The following MALRD1 variants were observed in gnomAD, a reference collection of about 807,000 sequenced individuals.
MALRD1 encodes the protein MAM and LDL-receptor class A domain-containing protein 1.
A neutral mutation model predicts 242.1 loss-of-function variants in MALRD1; 247 were observed. The observed-to-expected ratio is 1.02, with a 90% CI of 0.92 to 1.13. The LOEUF (loss-of-function observed/expected upper bound fraction) is 1.13, where lower values mean the gene tolerates loss of function less well. Ranked by LOEUF, MALRD1 falls within the 50% of genes most tolerant of loss-of-function variation. The pLI is 0.00. For synonymous variants in MALRD1, 995 were observed against 866.6 expected (o/e 1.15, Z -2.60); for missense variants, 2,989 against 2,533.1 (o/e 1.18, Z -3.86).
At chr10:19,479,470 T>G (rs540995342) in intron 29 of MALRD1, among the ~76,000 whole-genome samples, 11 of 152,346 alleles carry the variant, frequency 7.2e-5, no homozygotes, top group African/African-American at 2.2e-4. Context: ...GCATGTATTC[T>G]GGCTTGGCTA....
intron 26 of MALRD1, among the ~76,000 whole-genome samples, chr10:19,367,771 A>C (rs1039585403): frequency 1.3e-5 from 2 of 151,760 alleles, no homozygotes; most frequent in African/African-American, 2.4e-5. Context: ...ACCAGTATTT[A>C]TTTTTTGTCT....
chr10:19,721,346 T>C (rs1834740628), intron 38 of MALRD1, among the ~76,000 whole-genome samples: 1 of 152,090 alleles, frequency 6.6e-6, no homozygotes, highest in Admixed American at 6.5e-5. Flanking sequence ...GAGGTAGAAG[T>C]AGGGAGAGGA....
chr10:19,720,669 C>A (rs182995711), intron 38 of MALRD1, among the ~76,000 whole-genome samples: 2 of 152,264 alleles, frequency 1.3e-5, no homozygotes, highest in East Asian at 3.9e-4. Context: ...CTCCAACTTC[C>A]TACTTCGTAT....
chr10:19,714,196 A>T (rs1009665354), intron 38 of MALRD1, among the ~76,000 whole-genome samples: 11 of 152,122 alleles, frequency 7.2e-5, no homozygotes. Context: ...ATTGGATCAC[A>T]CGTGGGCTTG....
intron 36 of MALRD1, among the ~76,000 whole-genome samples, chr10:19,644,975 T>C (rs1172356585): frequency 6.6e-6 from 1 of 152,176 alleles, no homozygotes; most frequent in African/African-American, 2.4e-5. Flanking sequence ...GTTTTGATAA[T>C]AGAATGAAGC....
At chr10:19,694,590 T>C (rs1195425015) in intron 38 of MALRD1, among the ~76,000 whole-genome samples, 3 of 152,096 alleles carry the variant, frequency 2.0e-5, no homozygotes, top group Non-Finnish European at 4.4e-5. Context: ...CTAGAGAGGA[T>C]CTGGAGAAAT....
At chr10:19,450,618 A>T (rs187858605) in intron 29 of MALRD1, 128 bp downstream of exon 29, 15 of 811,520 alleles carry the variant, frequency 1.8e-5, no homozygotes, top group Middle Eastern at 3.7e-4. Flanking sequence ...ATGGAAAGGT[A>T]TAATTTTATA....
In MALRD1 at chr10:19,691,905, A is replaced by C. The variant is rs1437874537; in HGVS notation, c.6138-377A>C. ...TCTGCTCTGTTGGTTTTCTGAAATGACTTGAATCTCTTCACTATAGAAAAA... is the reference window on the plus strand; with the variant it reads ...TCTGCTCTGTTGGTTTTCTGAAATGCCTTGAATCTCTTCACTATAGAAAAA... On this transcript the variant is annotated intron_variant, in intron 36 of 39. Coordinates refer to ENST00000454679, the MANE Select transcript of MALRD1 (RefSeq NM_001142308.3). Among the ~76,000 whole-genome samples, 3 of 152,224 alleles carry C rather than the reference A, an allele frequency of 2.0e-5. No homozygotes were observed. The East Asian group carries it at 5.8e-4, about 29-fold the overall frequency.
chr10:19,382,487 C>A (rs1027118779), intron 26 of MALRD1, among the ~76,000 whole-genome samples: 1 of 152,114 alleles, frequency 6.6e-6, no homozygotes, highest in African/African-American at 2.4e-5. Flanking sequence ...TATGTAATCA[C>A]AAACTAGAAG....
chr10:19,688,873 G>T (rs770578612), intron 36 of MALRD1, among the ~76,000 whole-genome samples: 1 of 152,186 alleles, frequency 6.6e-6, no homozygotes, highest in African/African-American at 2.4e-5. Context: ...ATTCCATGGA[G>T]AAGGTTTAGT....
intron 30 of MALRD1, among the ~76,000 whole-genome samples, chr10:19,494,387 C>G (rs1467883812): frequency 1.3e-5 from 2 of 152,154 alleles, no homozygotes; most frequent in Non-Finnish European, 2.9e-5. Flanking sequence ...CTTCTGTTCT[C>G]CAAAGGACTG....
At chr10:19,421,259 G>A (rs1431106983) in intron 28 of MALRD1, among the ~76,000 whole-genome samples, 1 of 152,160 alleles carries the variant, frequency 6.6e-6, no homozygotes, top group Non-Finnish European at 1.5e-5. Context: ...CCTAGAATTT[G>A]TTAAATGCTA....
chr10:19,443,881 A>C (rs983880923), intron 28 of MALRD1, among the ~76,000 whole-genome samples: 1 of 151,968 alleles, frequency 6.6e-6, no homozygotes, highest in Non-Finnish European at 1.5e-5. Flanking sequence ...ATCCTTGTTA[A>C]CTTTCTGTCT....
chr10:19,384,653 TATA>T (rs1356754623), intron 26 of MALRD1, among the ~76,000 whole-genome samples: 5 of 134,330 alleles, frequency 3.7e-5, no homozygotes, highest in African/African-American at 5.5e-5. Context: ...GTATATATAA[TATA>T]ATATTTACTA....
At chr10:19,577,981 C>T (rs776960413) in intron 33 of MALRD1, among the ~76,000 whole-genome samples, 1 of 152,050 alleles carries the variant, frequency 6.6e-6, no homozygotes, top group Non-Finnish European at 1.5e-5. Context: ...GTTTTGTTCT[C>T]TTGGGCTATG....
At chr10:19,667,259 C>A (rs1174312925) in intron 36 of MALRD1, among the ~76,000 whole-genome samples, 2 of 151,962 alleles carry the variant, frequency 1.3e-5, no homozygotes, top group African/African-American at 4.8e-5. Context: ...AGTTTGAGAC[C>A]AGCCTGGGCA....
At chr10:19,430,935 G>T (rs1328605607) in intron 28 of MALRD1, among the ~76,000 whole-genome samples, 1 of 152,034 alleles carries the variant, frequency 6.6e-6, no homozygotes, top group Non-Finnish European at 1.5e-5. Flanking sequence ...TATGAGTTGA[G>T]TAAGTAAGAA....
intron 36 of MALRD1, among the ~76,000 whole-genome samples, chr10:19,655,409 C>T (rs1841094833): frequency 6.6e-6 from 1 of 151,204 alleles, no homozygotes; most frequent in South Asian, 2.1e-4. Flanking sequence ...TTACTTTCTT[C>T]AATGTAATTA....
chr10:19,294,571 T>G (rs1032845251), intron 21 of MALRD1, among the ~76,000 whole-genome samples: 1 of 152,168 alleles, frequency 6.6e-6, no homozygotes, highest in Admixed American at 6.5e-5. Flanking sequence ...AGTAGATGTA[T>G]AAAACCCAGC....
Sources: allele counts gnomAD v4.1 joint callset (sites outside exome capture counted in the v4.1 genomes callset), GRCh38; gene constraint gnomAD v4.1.1; transcripts MANE v1.5; gene names NCBI Gene and HGNC (gene_info 2026-07-23, HGNC 2026-07-21).